The following RFX3 variants were observed in gnomAD, a reference collection of about 807,000 sequenced individuals.
The protein encoded by RFX3 is transcription factor RFX3.
In RFX3, 14 loss-of-function variants were observed where a neutral mutation model predicts 98.6. That is an observed-to-expected ratio of 0.14 (90% confidence interval 0.09 to 0.22). RFX3 has a LOEUF of 0.22. Ranked by LOEUF, RFX3 falls within the 10% of genes least tolerant of loss-of-function variation. The pLI, the probability that RFX3 is intolerant of heterozygous loss-of-function variation, is 1.00. For missense variants in RFX3, 639 were observed against 926.9 expected (o/e 0.69, Z 4.03); for synonymous variants, 383 against 328.4 (o/e 1.17, Z -1.80).
chr9:3,255,547 G>A (rs866707849), intron 14 of RFX3, among the ~76,000 whole-genome samples: 1 of 152,188 alleles, frequency 6.6e-6, no homozygotes, highest in Non-Finnish European at 1.5e-5. Flanking sequence ...CCAAATCAGT[G>A]GGGCCAGCTT....
At chr9:3,316,121 C>T (rs751243842) in intron 4 of RFX3, among the ~76,000 whole-genome samples, 1 of 152,118 alleles carries the variant, frequency 6.6e-6, no homozygotes, top group Non-Finnish European at 1.5e-5. Flanking sequence ...ATGCAAAAAT[C>T]CTCAATAAAA....
chr9:3,401,072 T>C (rs558647633), intron 1 of RFX3, among the ~76,000 whole-genome samples: 1 of 152,172 alleles, frequency 6.6e-6, no homozygotes, highest in Non-Finnish European at 1.5e-5. Flanking sequence ...TGATTTACAC[T>C]TCCAACAACA....
intron 1 of RFX3, among the ~76,000 whole-genome samples, chr9:3,485,208 G>C (rs576370515): frequency 7.2e-5 from 11 of 152,184 alleles, no homozygotes; most frequent in Non-Finnish European, 1.6e-4. Context: ...AGTTAAATCT[G>C]CCCCTATACC....
chr9:3,322,513 C>G (rs1563924426), intron 4 of RFX3, among the ~76,000 whole-genome samples: 1 of 152,126 alleles, frequency 6.6e-6, no homozygotes. Context: ...AGGTGGATCA[C>G]TTGAGGTCAG....
At chr9:3,416,719 G>C (rs1238591249) in intron 1 of RFX3, among the ~76,000 whole-genome samples, 3 of 152,028 alleles carry the variant, frequency 2.0e-5, no homozygotes, top group African/African-American at 7.2e-5. Context: ...ACCACTGAAA[G>C]AGTAAAACAT....
intron 1 of RFX3, among the ~76,000 whole-genome samples, chr9:3,424,123 G>C (rs1843727708): frequency 6.7e-6 from 1 of 150,202 alleles, no homozygotes; most frequent in South Asian, 2.1e-4. Flanking sequence ...CTCCAGCCTG[G>C]GCGACAGAGG....
intron 2 of RFX3, among the ~76,000 whole-genome samples, chr9:3,361,661 GAAAAAAA>G (rs71324242): frequency 2.3e-3 from 206 of 87,798 alleles, no homozygotes; most frequent in South Asian, 0.017. Context: ...GTTTCTTTAG[GAAAAAAA>G]AAAAAAAAAA....
At chr9:3,293,287 A>G in intron 5 of RFX3, 29 bp from the exon 6 acceptor site, 1 of 1,535,138 alleles carries the variant, frequency 6.5e-7, no homozygotes, top group South Asian at 1.3e-5. Flanking sequence ...ATAAACACAG[A>G]CAAATCACAT....
chr9:3,366,706 CTTTCTTTCTTTCTTT>C (rs1294914949), intron 2 of RFX3, among the ~76,000 whole-genome samples: 2 of 88,716 alleles, frequency 2.3e-5, no homozygotes, highest in Non-Finnish European at 4.7e-5. Context: ...TTCTTTCTTT[CTTTCTTTCTTTCTTT>C]CTTTCTTTCT....
intron 2 of RFX3, among the ~76,000 whole-genome samples, chr9:3,365,378 A>T (rs1434579834): frequency 6.6e-6 from 1 of 152,110 alleles, no homozygotes; most frequent in Non-Finnish European, 1.5e-5. Context: ...AAAAGACAGA[A>T]TATTAGAAAA....
chr9:3,443,889 G>A (rs903323381), intron 1 of RFX3, among the ~76,000 whole-genome samples: 1 of 152,066 alleles, frequency 6.6e-6, no homozygotes, highest in Non-Finnish European at 1.5e-5. Flanking sequence ...TTTAATAATA[G>A]AATGGCTAAA....
intron 14 of RFX3, among the ~76,000 whole-genome samples, chr9:3,255,618 T>C (rs965823918): frequency 6.6e-6 from 1 of 152,224 alleles, no homozygotes; most frequent in Non-Finnish European, 1.5e-5. Flanking sequence ...GTTAAAAATA[T>C]AATTTACCCA....
At chr9:3,516,295 G>A (rs1313773516) in intron 1 of RFX3, among the ~76,000 whole-genome samples, 2 of 152,052 alleles carry the variant, frequency 1.3e-5, no homozygotes, top group African/African-American at 2.4e-5. Flanking sequence ...TGATCCACCC[G>A]CCTCAGCCTC....
intron 7 of RFX3, among the ~76,000 whole-genome samples, chr9:3,279,050 T>C (rs1041960476): frequency 1.3e-5 from 2 of 151,888 alleles, no homozygotes; most frequent in East Asian, 1.9e-4. Context: ...CTAGATGCCT[T>C]GTTTATTAAA....
chr9:3,424,358 T>G (rs1429538595), intron 1 of RFX3, among the ~76,000 whole-genome samples: 1 of 99,832 alleles, frequency 1.0e-5, no homozygotes, highest in African/African-American at 4.0e-5. Context: ...CTTTTTTTTT[T>G]TTTTTTTTTT....
chr9:3,482,581 C>T (rs189313888), intron 1 of RFX3, among the ~76,000 whole-genome samples: 8 of 152,108 alleles, frequency 5.3e-5, no homozygotes, highest in East Asian at 3.8e-4. Context: ...ATGTTAATTA[C>T]GTTTAATATA....
rs1587530584 is a variant in RFX3, at chr9:3,402,794, C to A, written c.-8-7198G>T. ...AAGATTTCTATTAAAATTAAGACAACTAAAATGAGCAGTGCTTTTGGGGAG... is the reference window on the plus strand; with the variant it reads ...AAGATTTCTATTAAAATTAAGACAAATAAAATGAGCAGTGCTTTTGGGGAG... On this transcript the variant is annotated intron_variant, in intron 1 of 16. Coordinates refer to ENST00000617270, the MANE Select transcript of RFX3 (RefSeq NM_001282116.2). Among the ~76,000 whole-genome samples the A allele has an allele frequency of 2.0e-5, 3 of 151,682 alleles. 1 individual carries two copies. Among genetic ancestry groups the A allele is most frequent in the Middle Eastern group, 6.8e-3 (2 of 294 alleles).
chr9:3,522,907 C>T (rs572487462), intron 1 of RFX3, among the ~76,000 whole-genome samples: 2 of 152,176 alleles, frequency 1.3e-5, no homozygotes, highest in Admixed American at 6.5e-5. Context: ...GGTTAAAGCA[C>T]AGTAAGCTTA....
At chr9:3,293,000 T>G in intron 6 of RFX3, 77 bp downstream of exon 6, 1 of 1,178,214 alleles carries the variant, frequency 8.5e-7, no homozygotes, top group South Asian at 1.5e-5. Context: ...ATCAAGTACT[T>G]TTGTTTAAAC....
Sources: gnomAD v4.1 joint callset for allele counts (sites outside exome capture counted in the v4.1 genomes callset) on GRCh38, gnomAD v4.1.1 for gene constraint, MANE v1.5 for transcripts, NCBI Gene and HGNC (gene_info 2026-07-23, HGNC 2026-07-21) for gene names.